Variants in DGKE observed in about 807,000 individuals in gnomAD.
DGKE encodes the protein DAG kinase epsilon.
A neutral mutation model predicts 70.0 loss-of-function variants in DGKE; 53 were observed. The ratio of observed to expected loss-of-function variants is 0.76; its 90% CI spans 0.61 to 0.95. DGKE has a LOEUF of 0.95. Among genes scored for constraint, DGKE ranks in the 40% least tolerant of loss-of-function variants. The pLI, the probability that DGKE is intolerant of heterozygous loss-of-function variation, is 0.00. For missense variants in DGKE, 655 were observed against 706.9 expected, an observed-to-expected ratio of 0.93 and a Z score of 0.83; for synonymous variants, 291 against 257.0, an observed-to-expected ratio of 1.13 and a Z score of -1.27.
At chr17:56,835,348 G>A in intron 2 of DGKE, 89 bp downstream of exon 2, 1 of 1,320,422 alleles carries the variant, frequency 7.6e-7, no homozygotes, top group South Asian at 1.4e-5. Flanking sequence ...TTTAATCTCT[G>A]CTGATGACCT....
intron 11 of DGKE, 22 bp from the exon 12 acceptor site, chr17:56,862,590 A>G (rs1287764421): frequency 4.0e-6 from 6 of 1,487,816 alleles, no homozygotes; most frequent in South Asian, 1.4e-5. Flanking sequence ...ACTTTTAAAC[A>G]TTATTTGTTC....
chr17:56,840,795 G>A (rs1906930743), intron 2 of DGKE, among the ~76,000 whole-genome samples: 1 of 152,146 alleles, frequency 6.6e-6, no homozygotes, highest in Non-Finnish European at 1.5e-5. Flanking sequence ...CTGGGAGGGG[G>A]GGGAATAACT....
At position 56,864,231 on chromosome 17, in the gene DGKE, G is replaced by A. The variant is rs1027646349; in HGVS notation, c.*1440G>A. The A allele has an allele frequency of 6.6e-6, 1 of 152,190 alleles. No homozygotes were observed. The highest frequency in any genetic ancestry group is 1.9e-4 in the East Asian group (1 of 5,202). 9.4% of individuals were successfully genotyped at this position (152,190 alleles called of 1,614,324 possible). A position where few individuals can be genotyped will look rare whatever the true frequency, so the allele number is the denominator to read the frequency against. On this transcript the variant is annotated 3_prime_UTR_variant, in exon 12 of 12. Transcript: ENST00000284061. The stretch of plus-strand genomic sequence containing the variant: ...AGGGCATCCAGCCTGGTGTTTTTCT[G>A]ACACATGGCCCAGGCTTTGTGGTCT...
intron 2 of DGKE, among the ~76,000 whole-genome samples, chr17:56,840,772 T>TA (rs780505744): frequency 2.0e-4 from 30 of 152,024 alleles, no homozygotes; most frequent in Non-Finnish European, 3.7e-4. Flanking sequence ...AAGATGTAAC[T>TA]ATGACAACTG....
intron 7 of DGKE, 25 bp downstream of exon 7, chr17:56,849,257 A>G (rs1345532176): frequency 8.7e-6 from 14 of 1,603,624 alleles, no homozygotes; most frequent in African/African-American, 1.3e-5. Flanking sequence ...CCTCAGTTGC[A>G]AGTGGTTTCA....
intron 2 of DGKE, chr17:56,836,314 C>T (rs1285609750): frequency 6.6e-6 from 1 of 152,088 alleles, no homozygotes; most frequent in East Asian, 1.9e-4. Flanking sequence ...ATCAAAGAGG[C>T]TTAAGAATAA....
In DGKE at chr17:56,863,977, ATATTCT is replaced by A. The variant is rs1205060172; in HGVS notation, c.*1194_*1199del. ...TTTAATTCTCCTGACAGAAATCTAG[ATATTCT>A]TATTCTTCACAAATATTCCTCATTG... On this transcript the variant is annotated 3_prime_UTR_variant, in exon 12 of 12. Transcript: ENST00000284061. 1.3e-5 allele frequency: 2 copies of A among 152,240 alleles called. No homozygotes were observed. Among genetic ancestry groups the A allele is most frequent in the Non-Finnish European group, 2.9e-5 (2 of 68,048 alleles). 9.4% of individuals were successfully genotyped at this position (152,240 alleles called of 1,614,324 possible). A position where few individuals can be genotyped will look rare whatever the true frequency, so the allele number is the denominator to read the frequency against.
chr17:56,836,774 G>GT (rs1906648593), intron 2 of DGKE, among the ~76,000 whole-genome samples: 1 of 152,252 alleles, frequency 6.6e-6, no homozygotes, highest in South Asian at 2.1e-4. Context: ...TGTCCTTTTA[G>GT]TTTTATCTAC....
chr17:56,846,774 C>A (rs976782754), intron 4 of DGKE, among the ~76,000 whole-genome samples: 1 of 152,068 alleles, frequency 6.6e-6, no homozygotes, highest in African/African-American at 2.4e-5. Context: ...CAGAGAAAAT[C>A]ATTTGCAATT....
At chr17:56,837,275 G>A (rs1906688691) in intron 2 of DGKE, among the ~76,000 whole-genome samples, 1 of 152,036 alleles carries the variant, frequency 6.6e-6, no homozygotes, top group Admixed American at 6.5e-5. Context: ...ACTTGGGCTG[G>A]ACATCAGCAG....
intron 9 of DGKE, among the ~76,000 whole-genome samples, 175 bp from the exon 10 acceptor site, chr17:56,861,616 C>G (rs190665745): frequency 7.9e-5 from 12 of 152,246 alleles, no homozygotes; most frequent in Admixed American, 3.9e-4. Context: ...AGAAGCAGTT[C>G]TACTGAAGAG....
In DGKE at chr17:56,856,578, C is replaced by T; in HGVS notation, c.1165C>T (p.His389Tyr). 6.2e-7 allele frequency: 1 copy of T among 1,613,902 alleles called. No individual in the cohort carries two copies. Among genetic ancestry groups the T allele is most frequent in the Non-Finnish European group, 8.5e-7 (1 of 1,179,926 alleles). ...DALMALNFHA[H>Y]REKAPSLFSS... ...TCTCATGGCTCTCAATTTTCATGCT[C>T]ATCGTGAGAAGGCACCATCTCTGTT... is the stretch of plus-strand genomic sequence containing the variant. The change falls in exon 8 of 12, where the codon CAT (histidine) becomes TAT (tyrosine). Residue 389 changes from histidine (H) to tyrosine (Y), a missense_variant. Physicochemically the swap from His to Tyr is moderately conservative, Grantham distance 83 (BLOSUM62 2). Coordinates refer to ENST00000284061, the MANE Select transcript of DGKE (RefSeq NM_003647.3).
rs148032150 is a variant in DGKE at position 56,837,504 on chromosome 17, T to A, written c.464+2245T>A. On this transcript the variant is annotated intron_variant, in intron 2 of 11. Transcript: ENST00000284061. Reference sequence around the variant, plus strand: ...AATTGTCTCTGTGTAATTTAGGAGATGTTTATTATTCCCAAGAGAAGAGAC... The same window carrying A: ...AATTGTCTCTGTGTAATTTAGGAGAAGTTTATTATTCCCAAGAGAAGAGAC... 1.7e-3 allele frequency among the ~76,000 whole-genome samples: 266 copies of A among 152,344 alleles called. 1 individual carries two copies. Among genetic ancestry groups the A allele is most frequent in the African/African-American group, 6.1e-3 (252 of 41,578 alleles).
intron 7 of DGKE, among the ~76,000 whole-genome samples, chr17:56,856,158 G>A (rs1333607590): frequency 6.6e-6 from 1 of 152,150 alleles, no homozygotes; most frequent in African/African-American, 2.4e-5. Flanking sequence ...GCCTGGGTTG[G>A]GACTAATAGA....
At chr17:56,846,058 TCTA>T (rs1907266746) in intron 4 of DGKE, 1 of 255,096 alleles carries the variant, frequency 3.9e-6, no homozygotes, top group South Asian at 1.4e-4. Context: ...TAGCAAGTCC[TCTA>T]CTAGGAATCT....
chr17:56,844,309 A>T, intron 3 of DGKE, 131 bp downstream of exon 3: 1 of 577,228 alleles, frequency 1.7e-6, no homozygotes, highest in Non-Finnish European at 2.6e-6. Flanking sequence ...ACAGATCAAG[A>T]CCAAGGAGAG....
intron 4 of DGKE, 83 bp downstream of exon 4, chr17:56,845,892 C>T: frequency 7.6e-7 from 1 of 1,312,028 alleles, no homozygotes; most frequent in Admixed American, 2.8e-5. Flanking sequence ...AGTCACTAAT[C>T]ACCTGATCAT....
In DGKE at chr17:56,865,522, A is replaced by G. The variant is rs1460892852; in HGVS notation, c.*2731A>G. 1 of 152,188 alleles carries G rather than the reference A, an allele frequency of 6.6e-6. No individual in the cohort carries two copies. The highest frequency in any genetic ancestry group is 2.4e-5 in the African/African-American group (1 of 41,452). 9.4% of individuals were successfully genotyped at this position (152,188 alleles called of 1,614,324 possible). A position where few individuals can be genotyped will look rare whatever the true frequency, so the allele number is the denominator to read the frequency against. ...AAACTGACTTGTGTTTTAAAATACA[A>G]GTTGTCTGCTAGTAAAGTTACATGA... is the stretch of plus-strand genomic sequence containing the variant. On this transcript the variant is annotated 3_prime_UTR_variant, in exon 12 of 12. Transcript: ENST00000284061.
At chr17:56,837,788 C>G (rs1317199120) in intron 2 of DGKE, among the ~76,000 whole-genome samples, 1 of 152,188 alleles carries the variant, frequency 6.6e-6, no homozygotes, top group East Asian at 1.9e-4. Context: ...AGACAAGTTA[C>G]ATTTCAAAGG....
Sources: gnomAD v4.1 joint callset for allele counts (sites outside exome capture counted in the v4.1 genomes callset) on GRCh38, gnomAD v4.1.1 for gene constraint, MANE v1.5 for transcripts, NCBI Gene and HGNC (gene_info 2026-07-23, HGNC 2026-07-21) for gene names.